Variants in MARCHF1 observed in about 807,000 individuals in gnomAD.
MARCHF1 encodes membrane associated ring-CH-type finger 1, also known as E3 ubiquitin-protein ligase MARCHF1.
In MARCHF1, 40 loss-of-function variants were observed where a neutral mutation model predicts 54.2. The observed-to-expected ratio is 0.74, with a 90% confidence interval of 0.57 to 0.96. The LOEUF is 0.96. MARCHF1 is among the 40% of genes least tolerant of loss of function. The pLI is 0.00. For missense variants in MARCHF1, 586 were observed against 656.5 expected (o/e 0.89, Z 1.17); for synonymous variants, 236 against 236.3 (o/e 1.00, Z 0.01).
At chr4:163,938,086 T>A (rs1436938150) in intron 3 of MARCHF1, among the ~76,000 whole-genome samples, 4 of 152,132 alleles carry the variant, frequency 2.6e-5, no homozygotes, top group African/African-American at 9.7e-5. Flanking sequence ...CATTCCACCA[T>A]CCTCTCAGGC....
intron 1 of MARCHF1, among the ~76,000 whole-genome samples, chr4:164,122,731 T>TG (rs1756096300): frequency 1.3e-5 from 2 of 151,882 alleles, no homozygotes; most frequent in South Asian, 4.1e-4. Flanking sequence ...TCTTGTGTGT[T>TG]TTCGTGTCCT....
At chr4:163,816,024 C>T (rs753233328) in intron 4 of MARCHF1, among the ~76,000 whole-genome samples, 19 of 152,260 alleles carry the variant, frequency 1.2e-4, no homozygotes, top group Admixed American at 7.2e-4. Flanking sequence ...AACATTGTTT[C>T]TATGGGTTAC....
chr4:164,036,047 G>A (rs1375196924), intron 2 of MARCHF1, among the ~76,000 whole-genome samples: 2 of 144,590 alleles, frequency 1.4e-5, no homozygotes, highest in Non-Finnish European at 3.0e-5. Context: ...AGGTTGCAGT[G>A]AGCCAAGATT....
chr4:164,337,809 T>G lies in MARCHF1; in HGVS notation c.-323+46061A>C, dbSNP rs534038799. 1.3e-3 allele frequency among the ~76,000 whole-genome samples: 200 copies of G among 152,222 alleles called. 1 individual carries two copies. Among genetic ancestry groups the G allele is most frequent in the Middle Eastern group, 6.8e-3 (2 of 294 alleles). On this transcript the variant is annotated intron_variant, in intron 1 of 9. Transcript: ENST00000514618. ...AGGAGAAGGCATACAAACTCAAGCATGCCAATGCATCACCCTGGGGGAAAA... is the reference window on the plus strand; with the variant it reads ...AGGAGAAGGCATACAAACTCAAGCAGGCCAATGCATCACCCTGGGGGAAAA...
chr4:164,029,963 G>T (rs1176570994), intron 2 of MARCHF1, among the ~76,000 whole-genome samples: 1 of 152,152 alleles, frequency 6.6e-6, no homozygotes, highest in African/African-American at 2.4e-5. Context: ...CCCCTTTGGG[G>T]ATTCTATCAT....
At chr4:164,367,684 CGTTT>C (rs1172452998) in intron 1 of MARCHF1, among the ~76,000 whole-genome samples, 3 of 149,942 alleles carry the variant, frequency 2.0e-5, no homozygotes, top group Non-Finnish European at 4.4e-5. Flanking sequence ...TTTTCTACAA[CGTTT>C]GTTTACATTA....
chr4:164,208,259 T>G (rs948314254), intron 1 of MARCHF1, among the ~76,000 whole-genome samples: 12 of 152,200 alleles, frequency 7.9e-5, no homozygotes, highest in African/African-American at 2.9e-4. Context: ...GAAAGGTATT[T>G]GAAGGGTTTG....
intron 4 of MARCHF1, among the ~76,000 whole-genome samples, chr4:163,770,627 A>AGG (rs1451198692): frequency 6.6e-6 from 1 of 151,308 alleles, no homozygotes; most frequent in Non-Finnish European, 1.5e-5. Flanking sequence ...ACAGACTCTG[A>AGG]GAGTTTCAAA....
At chr4:163,697,128 C>T (rs763312295) in intron 5 of MARCHF1, among the ~76,000 whole-genome samples, 11 of 152,050 alleles carry the variant, frequency 7.2e-5, no homozygotes, top group East Asian at 3.9e-4. Flanking sequence ...ATGAGTTTGA[C>T]GACACATATG....
chr4:163,627,627 T>C (rs975437380), intron 5 of MARCHF1, among the ~76,000 whole-genome samples: 4 of 152,160 alleles, frequency 2.6e-5, no homozygotes, highest in African/African-American at 9.7e-5. Flanking sequence ...TGAAGGGTTC[T>C]GACTTGGAGA....
intron 5 of MARCHF1, among the ~76,000 whole-genome samples, chr4:163,672,147 T>C (rs1743759514): frequency 6.6e-6 from 1 of 152,200 alleles, no homozygotes; most frequent in Non-Finnish European, 1.5e-5. Flanking sequence ...TTTTAACCTC[T>C]CAGTGCCATA....
chr4:164,235,430 T>C (rs927258491), intron 1 of MARCHF1, among the ~76,000 whole-genome samples: 4 of 152,202 alleles, frequency 2.6e-5, no homozygotes, highest in African/African-American at 9.6e-5. Context: ...TTCCCCTTTC[T>C]GTAAGTGCTG....
chr4:164,164,817 A>T (rs1250469086), intron 1 of MARCHF1, among the ~76,000 whole-genome samples: 1 of 152,074 alleles, frequency 6.6e-6, no homozygotes, highest in Non-Finnish European at 1.5e-5. Context: ...AGCCTCATGT[A>T]TAGGTAAATC....
chr4:163,728,229 C>T (rs1176438142), intron 4 of MARCHF1, among the ~76,000 whole-genome samples: 1 of 152,022 alleles, frequency 6.6e-6, no homozygotes. Flanking sequence ...TTTTTTATTA[C>T]TGTCTTGATT....
At chr4:163,830,279 A>G (rs1418538409) in intron 4 of MARCHF1, among the ~76,000 whole-genome samples, 1 of 150,760 alleles carries the variant, frequency 6.6e-6, no homozygotes, top group Non-Finnish European at 1.5e-5. Flanking sequence ...TTAAACATAT[A>G]ATTGTATAAT....
chr4:163,525,809 T>A lies in MARCHF1; in HGVS notation c.*2939A>T, dbSNP rs1738083902. 1 of 152,086 alleles carries A rather than the reference T, an allele frequency of 6.6e-6. No individual in the cohort carries two copies. Among genetic ancestry groups the A allele is most frequent in the Admixed American group, 6.6e-5 (1 of 15,238 alleles). 9.4% of individuals were successfully genotyped at this position (152,086 alleles called of 1,614,324 possible). A position where few individuals can be genotyped will look rare whatever the true frequency, so the allele number is the denominator to read the frequency against. ...TTTTCTTTTTGAAGGGTATAGTCAG[T>A]CAGTCTACAAAAAAGCACTGCCACA... On this transcript the variant is annotated 3_prime_UTR_variant, in exon 10 of 10. Coordinates refer to ENST00000514618, the MANE Select transcript of MARCHF1 (RefSeq NM_001394959.1).
chr4:163,728,624 A>G (rs6815788), intron 4 of MARCHF1, among the ~76,000 whole-genome samples: 2,465 of 152,332 alleles, frequency 0.016, 69 homozygotes, highest in African/African-American at 0.057. Flanking sequence ...AGAGGAAAGT[A>G]ATTGACTTAT....
At chr4:164,099,694 C>A (rs570038611) in intron 2 of MARCHF1, among the ~76,000 whole-genome samples, 4 of 151,996 alleles carry the variant, frequency 2.6e-5, no homozygotes, top group Admixed American at 2.0e-4. Flanking sequence ...GCGGGAAAAA[C>A]AAATGAGAGT....
intron 3 of MARCHF1, among the ~76,000 whole-genome samples, chr4:163,944,464 G>A (rs1256629809): frequency 1.3e-5 from 2 of 152,156 alleles, no homozygotes. Flanking sequence ...ACAGGATAAA[G>A]GCCCAGCTGC....
Sources: gnomAD v4.1 joint callset for allele counts (sites outside exome capture counted in the v4.1 genomes callset) on GRCh38, gnomAD v4.1.1 for gene constraint, MANE v1.5 for transcripts, NCBI Gene and HGNC (gene_info 2026-07-23, HGNC 2026-07-21) for gene names.